Variants in CORIN observed in about 807,000 individuals in gnomAD.
The protein encoded by CORIN is atrial natriuretic peptide-converting enzyme.
Under a neutral mutation model 125.3 loss-of-function variants are expected in CORIN, and 117 were observed. The ratio of observed to expected loss-of-function variants is 0.93; its 90% CI spans 0.80 to 1.09. The LOEUF (loss-of-function observed/expected upper bound fraction) is 1.09. CORIN is among the 50% of genes least tolerant of loss of function. The pLI is 0.00. For synonymous variants in CORIN, 450 were observed against 466.4 expected (o/e 0.96, Z 0.45); for missense variants, 1,253 against 1,306.7 (o/e 0.96, Z 0.63).
At chr4:47,644,555 T>A (rs1723382631) in intron 14 of CORIN, among the ~76,000 whole-genome samples, 1 of 152,188 alleles carries the variant, frequency 6.6e-6, no homozygotes, top group Admixed American at 6.5e-5. Context: ...GCCATTCACT[T>A]AGAAAATGTA....
At chr4:47,767,373 G>A (rs753305736) in intron 3 of CORIN, among the ~76,000 whole-genome samples, 40 of 108,716 alleles carry the variant, frequency 3.7e-4, no homozygotes, top group East Asian at 2.5e-3. Context: ...GAAAAAAAAA[G>A]AAAAATATTC....
intron 2 of CORIN, among the ~76,000 whole-genome samples, chr4:47,804,016 C>T (rs1203647529): frequency 2.0e-5 from 3 of 152,102 alleles, no homozygotes; most frequent in East Asian, 1.9e-4. Context: ...TTTAAAAAAT[C>T]GAATAATCCC....
intron 4 of CORIN, among the ~76,000 whole-genome samples, chr4:47,749,070 T>G (rs1728785137): frequency 6.6e-6 from 1 of 152,060 alleles, no homozygotes; most frequent in African/African-American, 2.4e-5. Flanking sequence ...AATAAACTAA[T>G]CTTTAAATAT....
chr4:47,783,766 A>C (rs1730657857), intron 3 of CORIN, among the ~76,000 whole-genome samples: 1 of 152,108 alleles, frequency 6.6e-6, no homozygotes, highest in Non-Finnish European at 1.5e-5. Context: ...GTGATCAGGC[A>C]CTTCTAGCAA....
chr4:47,763,646 C>T (rs746058774), intron 3 of CORIN, 60 bp from the exon 4 acceptor site: 326 of 1,415,862 alleles, frequency 2.3e-4, no homozygotes, highest in Non-Finnish European at 3.2e-4. Context: ...TGTTTGCAAA[C>T]TCATTTAATA....
chr4:47,598,511 C>G (rs995525133), intron 21 of CORIN, among the ~76,000 whole-genome samples: 3 of 152,126 alleles, frequency 2.0e-5, no homozygotes, highest in African/African-American at 7.2e-5. Flanking sequence ...GCCTTCAGCT[C>G]TCTGTCAAGG....
intron 5 of CORIN, among the ~76,000 whole-genome samples, chr4:47,702,334 A>G (rs941146882): frequency 5.3e-5 from 8 of 152,210 alleles, no homozygotes; most frequent in Non-Finnish European, 2.9e-5. Context: ...AAAATAAAGG[A>G]GATAAATTTT....
rs1725842994 is a variant in CORIN, at chr4:47,693,094, A to G, written c.800-11T>C. On this transcript the variant is annotated splice_polypyrimidine_tract_variant and intron_variant, in intron 5 of 21. Transcript: ENST00000273857. ...CCCTTCCACAGAGCACTAAAAAAAA[A>G]GGGCAGGAAATAATGTCAGAATAAG... 5.9e-6 allele frequency: 9 copies of G among 1,535,706 alleles called. No individual in the cohort carries two copies. In the South Asian group the frequency reaches 7.9e-5, roughly 13 times the overall value.
intron 3 of CORIN, among the ~76,000 whole-genome samples, chr4:47,781,288 T>C (rs775165652): frequency 2.6e-5 from 4 of 152,196 alleles, no homozygotes. Flanking sequence ...ATGACTCACT[T>C]ATGATGGTTT....
intron 1 of CORIN, among the ~76,000 whole-genome samples, chr4:47,824,033 T>G (rs1732633751): frequency 6.6e-6 from 1 of 152,036 alleles, no homozygotes; most frequent in Non-Finnish European, 1.5e-5. Flanking sequence ...CACTGAACCA[T>G]TCAGGACTCA....
chr4:47,809,717 T>A (rs1473297346), intron 1 of CORIN, among the ~76,000 whole-genome samples: 1 of 152,144 alleles, frequency 6.6e-6, no homozygotes, highest in Non-Finnish European at 1.5e-5. Context: ...GAGAATTGAT[T>A]GCTTTTTTCA....
In CORIN at chr4:47,642,047, T is replaced by A. The variant is rs1577772883; in HGVS notation, c.2071A>T (p.Thr691Ser). The A allele has an allele frequency of 6.2e-7, 1 of 1,612,308 alleles. No individual in the cohort carries two copies. Among genetic ancestry groups the A allele is most frequent in the Non-Finnish European group, 8.5e-7 (1 of 1,179,162 alleles). The part of the protein sequence containing the change: ...SDSSDEWDCV[T>S]LSINVNSSSF... The stretch of plus-strand genomic sequence containing the variant: ...GAGGAGTTCACATTTATAGAGAGGG[T>A]CACTAGGGAAAGAAAAGACAAGGGA... The change falls in exon 16 of 22, where the codon ACC (threonine) becomes TCC (serine). Residue 691 changes from threonine to serine, a missense_variant and splice_region_variant. Physicochemically the swap from Thr to Ser is moderately conservative, Grantham distance 58 (BLOSUM62 1). Coordinates refer to ENST00000273857, the MANE Select transcript of CORIN (RefSeq NM_006587.4).
chr4:47,596,605 C>A (rs551749748), intron 21 of CORIN, among the ~76,000 whole-genome samples: 7 of 152,242 alleles, frequency 4.6e-5, no homozygotes, highest in African/African-American at 1.7e-4. Flanking sequence ...AATGCTATGG[C>A]ATTAGAGATA....
intron 5 of CORIN, among the ~76,000 whole-genome samples, chr4:47,709,051 A>G (rs1726711865): frequency 6.6e-6 from 1 of 152,194 alleles, no homozygotes; most frequent in Non-Finnish European, 1.5e-5. Flanking sequence ...CAATGGCCTG[A>G]CGAGGAGCTT....
chr4:47,722,705 G>C (rs978739655), intron 5 of CORIN, among the ~76,000 whole-genome samples: 1 of 152,082 alleles, frequency 6.6e-6, no homozygotes, highest in Non-Finnish European at 1.5e-5. Flanking sequence ...ACCGAAATAC[G>C]TATCTTAAAA....
At chr4:47,768,293 C>A (rs558360891) in intron 3 of CORIN, among the ~76,000 whole-genome samples, 1 of 152,164 alleles carries the variant, frequency 6.6e-6, no homozygotes, top group Non-Finnish European at 1.5e-5. Flanking sequence ...AAAGCCTGTT[C>A]GGTGGTCTCT....
chr4:47,799,757 C>G (rs1264482925), intron 2 of CORIN, among the ~76,000 whole-genome samples: 1 of 151,846 alleles, frequency 6.6e-6, no homozygotes, highest in Non-Finnish European at 1.5e-5. Flanking sequence ...TGGTATATAC[C>G]CAAGAGAAGT....
Position 47,653,545 on chromosome 4 carries a change from A to G in CORIN, c.1843+8T>C, listed in dbSNP as rs1250772285. On this transcript the variant is annotated splice_region_variant and intron_variant, in intron 13 of 21. Coordinates refer to ENST00000273857, the MANE Select transcript of CORIN (RefSeq NM_006587.4). The stretch of plus-strand genomic sequence containing the variant: ...ACATTCAAGAAAAGTACCATTGCAC[A>G]TACATACCACAGTTTTCCTCATCAC... 18 of 1,609,672 alleles carry G rather than the reference A, an allele frequency of 1.1e-5. No individual in the cohort carries two copies. Among genetic ancestry groups the G allele is most frequent in the Non-Finnish European group, 1.4e-5 (16 of 1,176,076 alleles).
At chr4:47,734,399 C>A (rs1401581264) in intron 5 of CORIN, among the ~76,000 whole-genome samples, 1 of 152,218 alleles carries the variant, frequency 6.6e-6, no homozygotes, top group Non-Finnish European at 1.5e-5. Flanking sequence ...TGCCGAATAT[C>A]TTCACCAGAA....
Sources: allele counts gnomAD v4.1 joint callset (sites outside exome capture counted in the v4.1 genomes callset), GRCh38; gene constraint gnomAD v4.1.1; transcripts MANE v1.5; gene names NCBI Gene and HGNC (gene_info 2026-07-23, HGNC 2026-07-21).